The following CRB1 variants were observed in gnomAD, a reference collection of about 807,000 sequenced individuals.
CRB1 encodes the protein crumbs cell polarity complex component 1.
Under a neutral mutation model 120.0 loss-of-function variants are expected in CRB1, and 83 were observed. The observed-to-expected ratio is 0.69, with a 90% CI of 0.58 to 0.83. CRB1 has a LOEUF of 0.83. Among genes scored for constraint, CRB1 ranks in the 40% least tolerant of loss-of-function variants. The probability of loss-of-function intolerance (pLI) is 0.00; values close to 1 mark genes in which losing one functional copy is unlikely to be tolerated. For missense variants in CRB1, 1,699 were observed against 1,687.6 expected, an observed-to-expected ratio of 1.01 and a Z score of -0.12; for synonymous variants, 625 against 612.5, an observed-to-expected ratio of 1.02 and a Z score of -0.30.
At chr1:197,260,785 C>T in the CRB1 span, among the ~76,000 whole-genome samples, 1 of 152,030 alleles carries the variant, frequency 6.6e-6, no homozygotes, top group Non-Finnish European at 1.5e-5. Context: ...CAACCTCCGC[C>T]TCCCAGGTTC....
chr1:197,230,394 AT>A, the CRB1 span, among the ~76,000 whole-genome samples: 1 of 152,072 alleles, frequency 6.6e-6, no homozygotes, highest in African/African-American at 2.4e-5. Flanking sequence ...TAAGATTTTT[AT>A]TTTTTTAACC....
intron 2 of CRB1, 30 bp from the exon 3 acceptor site, chr1:197,344,249 TTC>T (rs1659637692): frequency 1.2e-6 from 2 of 1,607,140 alleles, no homozygotes; most frequent in Non-Finnish European, 1.7e-6. Context: ...CTAAAACTTT[TTC>T]TGTTTTTTCT....
chr1:197,461,886 A>C (rs2125549080), intron 11 of CRB1, among the ~76,000 whole-genome samples: 1 of 152,278 alleles, frequency 6.6e-6, no homozygotes, highest in South Asian at 2.1e-4. Context: ...GCACCTGCAA[A>C]ACATCATGAA....
At chr1:197,351,361 T>G (rs1660089192) in intron 4 of CRB1, among the ~76,000 whole-genome samples, 1 of 50,626 alleles carries the variant, frequency 2.0e-5, no homozygotes, top group Non-Finnish European at 3.6e-5. Context: ...GGGTGAGACT[T>G]GGCAAAAAAA....
Position 197,379,542 on chromosome 1 carries a change from C to T in CRB1, c.1171+22529C>T, listed in dbSNP as rs965151744. Among the ~76,000 whole-genome samples the T allele has an allele frequency of 8.7e-5, 13 of 150,048 alleles. No homozygotes were observed. The East Asian group carries it at 9.8e-4, about 11-fold the overall frequency. Reference sequence around the variant, plus strand: ...GTCTCAATCTCCTGACCTCGTGATCCGCCCACCTCAGCCTCCCAAAGTGCT... The same window carrying T: ...GTCTCAATCTCCTGACCTCGTGATCTGCCCACCTCAGCCTCCCAAAGTGCT... On this transcript the variant is annotated intron_variant, in intron 5 of 11. Transcript: ENST00000367400.
At chr1:197,463,748 C>T (rs1666631772) in intron 11 of CRB1, among the ~76,000 whole-genome samples, 1 of 152,134 alleles carries the variant, frequency 6.6e-6, no homozygotes, top group East Asian at 1.9e-4. Flanking sequence ...ATTAAATCCT[C>T]AGCTTGTAGT....
chr1:197,274,047 A>G (rs1655054052), intron 1 of CRB1, among the ~76,000 whole-genome samples: 1 of 152,028 alleles, frequency 6.6e-6, no homozygotes, highest in African/African-American at 2.4e-5. Flanking sequence ...ATATCTCTAT[A>G]TGTAAATCTG....
the CRB1 span, among the ~76,000 whole-genome samples, chr1:197,244,878 G>A: frequency 6.6e-6 from 1 of 151,140 alleles, no homozygotes; most frequent in East Asian, 2.0e-4. Flanking sequence ...TTTTCTTTAT[G>A]TTGTTCAGAT....
Position 197,292,828 on chromosome 1 carries a change from G to T in CRB1, c.70+24346G>T, listed in dbSNP as rs927918172. Among the ~76,000 whole-genome samples, 10 of 152,154 alleles carry T rather than the reference G, an allele frequency of 6.6e-5. No homozygotes were observed. The East Asian group carries it at 1.9e-3, about 29-fold the overall frequency. On this transcript the variant is annotated intron_variant, in intron 1 of 11. Coordinates refer to ENST00000367400, the MANE Select transcript of CRB1 (RefSeq NM_201253.3). ...CAAAAACCACTTGATTATCTCAATA[G>T]ATACAGAAAAGGCCTTTGACAAAAT...
intron 1 of CRB1, among the ~76,000 whole-genome samples, chr1:197,281,557 A>T (rs1462645471): frequency 6.6e-6 from 1 of 151,804 alleles, no homozygotes; most frequent in Non-Finnish European, 1.5e-5. Flanking sequence ...GCATGCTCAG[A>T]CTTGGCCAGA....
intron 4 of CRB1, among the ~76,000 whole-genome samples, chr1:197,351,590 A>G (rs932768046): frequency 2.0e-5 from 3 of 152,192 alleles, no homozygotes; most frequent in Admixed American, 2.0e-4. Flanking sequence ...TAATTTCAAA[A>G]GAGTTCCCTG....
intron 11 of CRB1, among the ~76,000 whole-genome samples, chr1:197,457,306 A>G (rs1666327548): frequency 6.6e-6 from 1 of 152,060 alleles, no homozygotes; most frequent in Non-Finnish European, 1.5e-5. Flanking sequence ...TATTTTATTT[A>G]TTATTCACAA....
chr1:197,333,177 A>T (rs1411754666), intron 2 of CRB1, among the ~76,000 whole-genome samples: 1 of 152,218 alleles, frequency 6.6e-6, no homozygotes, highest in Non-Finnish European at 1.5e-5. Context: ...GGGGAAAAAG[A>T]GCTGTAGCAC....
At chr1:197,405,688 C>T (rs1368467546) in intron 5 of CRB1, among the ~76,000 whole-genome samples, 13 of 151,788 alleles carry the variant, frequency 8.6e-5, no homozygotes, top group South Asian at 2.1e-4. Context: ...TCTGCCCTGC[C>T]GCCCCGTCTG....
At chr1:197,354,894 A>T (rs184390395) in intron 4 of CRB1, among the ~76,000 whole-genome samples, 2,973 of 112,092 alleles carry the variant, frequency 0.027, 152 homozygotes, top group African/African-American at 0.093. Context: ...TCCATTTTAC[A>T]GCGAGCCAAT....
At chr1:197,237,318 T>C in the CRB1 span, among the ~76,000 whole-genome samples, 1 of 152,224 alleles carries the variant, frequency 6.6e-6, no homozygotes, top group Non-Finnish European at 1.5e-5. Flanking sequence ...TTCTTGAGGC[T>C]GAGAAGTCGA....
In CRB1 at chr1:197,429,445, T is replaced by C. The variant is rs2125488650; in HGVS notation, c.2677-4T>C. On this transcript the variant is annotated splice_polypyrimidine_tract_variant and splice_region_variant and intron_variant, in intron 7 of 11. Transcript: ENST00000367400. ...TTTATACCTTTGATTTCTTTTCTGC[T>C]CAGTCCAACCCCTGTCACAATGGAG... 1 of 1,614,026 alleles carries C rather than the reference T, an allele frequency of 6.2e-7. No individual in the cohort carries two copies. The highest frequency in any genetic ancestry group is 8.5e-7 in the Non-Finnish European group (1 of 1,179,918).
At chr1:197,370,729 TAC>T (rs1477312419) in intron 5 of CRB1, among the ~76,000 whole-genome samples, 1 of 152,146 alleles carries the variant, frequency 6.6e-6, no homozygotes, top group African/African-American at 2.4e-5. Context: ...CATGTTGAAG[TAC>T]ATGTCTTTGA....
At chr1:197,343,035 C>T (rs1382884884) in intron 2 of CRB1, among the ~76,000 whole-genome samples, 1 of 152,168 alleles carries the variant, frequency 6.6e-6, no homozygotes, top group Admixed American at 6.5e-5. Flanking sequence ...TTTTCACCGA[C>T]ATAAATTTAG....
Sources: allele counts gnomAD v4.1 joint callset (sites outside exome capture counted in the v4.1 genomes callset), GRCh38; gene constraint gnomAD v4.1.1; transcripts MANE v1.5; gene names NCBI Gene and HGNC (gene_info 2026-07-23, HGNC 2026-07-21).